Variants in BIRC2 observed in about 807,000 individuals in gnomAD.
The protein encoded by BIRC2 is baculoviral IAP repeat-containing protein 2.
BIRC2 carries 18 observed loss-of-function variants against 60.9 expected under a neutral mutation model. The ratio of observed to expected loss-of-function variants is 0.30; its 90% confidence interval spans 0.20 to 0.44. The LOEUF is 0.44. Among genes scored for constraint, BIRC2 ranks in the 20% least tolerant of loss-of-function variants. BIRC2 has a pLI of 1.00. For missense variants in BIRC2, 701 were observed against 728.5 expected (o/e 0.96, Z 0.43); for synonymous variants, 282 against 247.7 (o/e 1.14, Z -1.30).
At chr11:102,375,194 C>T (rs1266632450) in intron 6 of BIRC2, among the ~76,000 whole-genome samples, 5 of 152,180 alleles carry the variant, frequency 3.3e-5, no homozygotes, top group African/African-American at 9.6e-5. Flanking sequence ...CTCCTCCCCT[C>T]CTTCAATAAA....
rs1376496609 is a variant in BIRC2, at chr11:102,349,877, G to A, written c.23G>A (p.Arg8Lys). 1.9e-6 allele frequency: 3 copies of A among 1,609,358 alleles called. No individual in the cohort carries two copies. Among genetic ancestry groups the A allele is most frequent in the Non-Finnish European group, 2.5e-6 (3 of 1,177,106 alleles). ...CTCATGCACAAAACTGCCTCCCAAA[G>A]ACTTTTCCCAGGTCCCTCGTATCAA... MHKTASQRLFPGPSYQNI... is the reference protein window; with the variant it reads MHKTASQKLFPGPSYQNI... Residue 8 changes from arginine (R) to lysine (K), a missense_variant, in exon 2 of 9, where the codon AGA (arginine) becomes AAA (lysine). Around this residue, in one of 4 missense-constraint regions of BIRC2, gnomAD observed 375 missense variants for 365.9 expected, o/e 1.02. Coordinates refer to ENST00000227758, the MANE Select transcript of BIRC2 (RefSeq NM_001166.5).
At chr11:102,368,914 T>G (rs945422734) in intron 6 of BIRC2, among the ~76,000 whole-genome samples, 2 of 152,086 alleles carry the variant, frequency 1.3e-5, no homozygotes, top group African/African-American at 2.4e-5. Flanking sequence ...AACCTGTTTT[T>G]TTTTTTAAGT....
Position 102,362,797 on chromosome 11 carries a change from T to C in BIRC2, c.996-99T>C, listed in dbSNP as rs1004052623. 5.8e-6 allele frequency: 5 copies of C among 854,914 alleles called. No individual in the cohort carries two copies. In the African/African-American group the frequency reaches 6.8e-5, roughly 12 times the overall value. The allele number at this position is 854,914 out of a possible 1,614,324, so 53.0% of individuals were successfully genotyped here. Reference sequence around the variant, plus strand: ...GTTGTGACGTAAAATGTTTTTACTATGGAGTACAATGAAAGATTTGAAAGC... The same window carrying C: ...GTTGTGACGTAAAATGTTTTTACTACGGAGTACAATGAAAGATTTGAAAGC... On this transcript the variant is annotated intron_variant, in intron 3 of 8. Coordinates refer to ENST00000227758, the MANE Select transcript of BIRC2 (RefSeq NM_001166.5).
Position 102,363,567 on chromosome 11 carries a change from G to C in BIRC2, c.1075-101G>C, listed in dbSNP as rs186750749. 8.4e-6 allele frequency: 7 copies of C among 831,406 alleles called. No homozygotes were observed. The South Asian group carries it at 1.2e-4, about 14-fold the overall frequency. 51.5% of individuals were successfully genotyped at this position (831,406 alleles called of 1,614,324 possible). On this transcript the variant is annotated intron_variant, in intron 4 of 8. Transcript: ENST00000227758. The stretch of plus-strand genomic sequence containing the variant: ...GTCATAAATCACTCAGTTCTCAAAA[G>C]AACATATACATTTACTTAAAGTAAG...
At chr11:102,361,370 A>G (rs1047854979) in intron 3 of BIRC2, among the ~76,000 whole-genome samples, 3 of 152,138 alleles carry the variant, frequency 2.0e-5, no homozygotes, top group Non-Finnish European at 4.4e-5. Flanking sequence ...GCCACAGAGC[A>G]AAGGTCTTAC....
chr11:102,364,877 G>A (rs1329385998), intron 5 of BIRC2, among the ~76,000 whole-genome samples: 1 of 152,178 alleles, frequency 6.6e-6, no homozygotes, highest in Admixed American at 6.5e-5. Flanking sequence ...ATAGCAGTGT[G>A]GGCTGTTCTT....
intron 6 of BIRC2, among the ~76,000 whole-genome samples, chr11:102,376,072 C>T (rs1198482965): frequency 6.6e-6 from 1 of 151,912 alleles, no homozygotes; most frequent in African/African-American, 2.4e-5. Flanking sequence ...GTAATGAAAT[C>T]CAGCTAAGGT....
intron 7 of BIRC2, 32 bp downstream of exon 7, chr11:102,377,782 T>G: frequency 6.3e-7 from 1 of 1,594,110 alleles, no homozygotes; most frequent in Non-Finnish European, 8.5e-7. Context: ...TTTTAGAAAT[T>G]CTTAGGACTG....
intron 5 of BIRC2, among the ~76,000 whole-genome samples, chr11:102,366,762 T>G (rs1397334010): frequency 4.6e-5 from 7 of 152,086 alleles, no homozygotes; most frequent in Non-Finnish European, 8.8e-5. Flanking sequence ...TAAAGTAACA[T>G]CTCCACCGAG....
intron 6 of BIRC2, 131 bp from the exon 7 acceptor site, chr11:102,377,365 C>A: frequency 1.3e-6 from 1 of 780,104 alleles, no homozygotes; most frequent in Admixed American, 3.7e-5. Context: ...CAAATGCAAA[C>A]AAGTTACTTT....
chr11:102,369,454 G>A (rs1359031373), intron 6 of BIRC2, among the ~76,000 whole-genome samples: 5 of 151,304 alleles, frequency 3.3e-5, no homozygotes, highest in Admixed American at 3.3e-4. Context: ...TGAGAATGAT[G>A]ATTTCCAATT....
At chr11:102,373,746 A>G (rs1400119603) in intron 6 of BIRC2, among the ~76,000 whole-genome samples, 9 of 151,500 alleles carry the variant, frequency 5.9e-5, no homozygotes. Flanking sequence ...TCTCCTGGAT[A>G]ATATCCTGCA....
intron 3 of BIRC2, among the ~76,000 whole-genome samples, chr11:102,353,104 C>G (rs1166506585): frequency 6.6e-6 from 1 of 152,052 alleles, no homozygotes; most frequent in Non-Finnish European, 1.5e-5. Flanking sequence ...ATGTTGGGCT[C>G]TATGGGATTA....
chr11:102,356,519 G>A (rs1275852), intron 3 of BIRC2, among the ~76,000 whole-genome samples: 9,583 of 151,446 alleles, frequency 0.063, 425 homozygotes, highest in African/African-American at 0.11. Context: ...TCATTATCGA[G>A]TATGATGTTA....
At chr11:102,375,090 C>G (rs1024744691) in intron 6 of BIRC2, among the ~76,000 whole-genome samples, 1 of 152,238 alleles carries the variant, frequency 6.6e-6, no homozygotes, top group Non-Finnish European at 1.5e-5. Context: ...GAGATGAACC[C>G]GGTACCTCAG....
intron 3 of BIRC2, among the ~76,000 whole-genome samples, chr11:102,353,926 G>A (rs767511169): frequency 3.3e-5 from 5 of 152,104 alleles, no homozygotes; most frequent in East Asian, 1.9e-4. Flanking sequence ...TGGTATGCTC[G>A]GAGGACTGGT....
At chr11:102,372,118 G>C (rs965759197) in intron 6 of BIRC2, among the ~76,000 whole-genome samples, 23 of 152,072 alleles carry the variant, frequency 1.5e-4, no homozygotes, top group Non-Finnish European at 2.9e-4. Context: ...CAAAAAACCA[G>C]CTCCCGGATT....
intron 3 of BIRC2, among the ~76,000 whole-genome samples, chr11:102,360,228 A>C (rs915608696): frequency 6.6e-6 from 1 of 152,022 alleles, no homozygotes. Context: ...CAACCTCCCA[A>C]AGTGCTGGAT....
intron 3 of BIRC2, among the ~76,000 whole-genome samples, chr11:102,357,754 A>G (rs1695199986): frequency 1.3e-5 from 2 of 151,486 alleles, no homozygotes; most frequent in Admixed American, 6.6e-5. Flanking sequence ...GGTCTTTTCT[A>G]TTGTTTTTGT....
Sources: gnomAD v4.1 joint callset for allele counts (sites outside exome capture counted in the v4.1 genomes callset) on GRCh38, gnomAD v4.1.1 for gene constraint, gnomAD v4.1.1 regional missense constraint, MANE v1.5 for transcripts, NCBI Gene and HGNC (gene_info 2026-07-23, HGNC 2026-07-21) for gene names.